SGCZ: variants seen among roughly 807,000 people sequenced by gnomAD.
SGCZ encodes the protein sarcoglycan zeta, also known as zeta-sarcoglycan.
A neutral mutation model predicts 41.3 loss-of-function variants in SGCZ; 40 were observed. The observed-to-expected ratio is 0.97, with a 90% confidence interval of 0.75 to 1.26. SGCZ has a LOEUF of 1.26. SGCZ is among the 50% of genes most tolerant of loss of function. SGCZ has a pLI of 0.00. For synonymous variants in SGCZ, 206 were observed against 137.5 expected (o/e 1.50, Z -3.49); for missense variants, 552 against 369.8 (o/e 1.49, Z -4.04).
At chr8:14,243,963 T>C (rs571675297) in intron 3 of SGCZ, among the ~76,000 whole-genome samples, 2 of 152,200 alleles carry the variant, frequency 1.3e-5, no homozygotes, top group Admixed American at 6.5e-5. Flanking sequence ...GTTTTTCTCA[T>C]ACAGACTTTT....
intron 1 of SGCZ, among the ~76,000 whole-genome samples, chr8:14,644,961 A>AAC (rs1330512344): frequency 6.6e-6 from 1 of 150,612 alleles, no homozygotes; most frequent in Non-Finnish European, 1.5e-5. Context: ...TAAAAAAAAA[A>AAC]AGTCTCCAAC....
chr8:14,319,946 G>A (rs559030830), intron 3 of SGCZ, among the ~76,000 whole-genome samples: 9 of 152,032 alleles, frequency 5.9e-5, no homozygotes, highest in Non-Finnish European at 1.2e-4. Context: ...AAAAGTTCTT[G>A]TGGTGAAGAA....
At chr8:15,165,946 T>C (rs1371914499) in intron 1 of SGCZ, among the ~76,000 whole-genome samples, 1 of 152,214 alleles carries the variant, frequency 6.6e-6, no homozygotes, top group Non-Finnish European at 1.5e-5. Context: ...TTTGGCAAAA[T>C]TTTTAAAGGG....
intron 3 of SGCZ, among the ~76,000 whole-genome samples, chr8:14,302,122 T>C (rs1313483924): frequency 6.6e-6 from 1 of 152,048 alleles, no homozygotes; most frequent in East Asian, 1.9e-4. Flanking sequence ...TGAATCAAAA[T>C]GTGGGAGAGG....
At chr8:15,087,621 T>G (rs954328807) in intron 1 of SGCZ, among the ~76,000 whole-genome samples, 2 of 152,106 alleles carry the variant, frequency 1.3e-5, no homozygotes, top group Non-Finnish European at 2.9e-5. Flanking sequence ...CTAAAGAGCT[T>G]GTCGAAAAAA....
At chr8:14,700,541 T>C (rs1240404372) in intron 1 of SGCZ, among the ~76,000 whole-genome samples, 1 of 151,770 alleles carries the variant, frequency 6.6e-6, no homozygotes, top group Non-Finnish European at 1.5e-5. Context: ...GAATCATTCA[T>C]ACACCAGACC....
Position 15,035,504 on chromosome 8 carries a change from T to C in SGCZ, c.39+202081A>G, listed in dbSNP as rs1803842793. Reference sequence around the variant, plus strand: ...TCAGTTGTAAATCGTTACCTATAAATATTTGCCTTAAATGTAACTGGATTG... The same window carrying C: ...TCAGTTGTAAATCGTTACCTATAAACATTTGCCTTAAATGTAACTGGATTG... On this transcript the variant is annotated intron_variant, in intron 1 of 7. Transcript: ENST00000382080. 2.0e-5 allele frequency among the ~76,000 whole-genome samples: 3 copies of C among 152,138 alleles called. 1 individual carries two copies. The highest frequency in any genetic ancestry group is 2.0e-4 in the Admixed American group (3 of 15,274).
chr8:14,638,512 C>A (rs977137564), intron 1 of SGCZ, among the ~76,000 whole-genome samples: 1 of 151,806 alleles, frequency 6.6e-6, no homozygotes, highest in African/African-American at 2.4e-5. Flanking sequence ...TCAATATCTC[C>A]TTACCTCCTG....
intron 1 of SGCZ, among the ~76,000 whole-genome samples, chr8:14,723,585 C>T (rs1334028179): frequency 2.6e-5 from 4 of 152,010 alleles, no homozygotes; most frequent in African/African-American, 9.7e-5. Context: ...AGGCTCTGAC[C>T]CCAGCTGACA....
chr8:14,493,694 C>T (rs1801910940), intron 2 of SGCZ, among the ~76,000 whole-genome samples: 1 of 151,840 alleles, frequency 6.6e-6, no homozygotes, highest in African/African-American at 2.4e-5. Flanking sequence ...ATAATCAGCT[C>T]TTAATCTTGT....
intron 3 of SGCZ, among the ~76,000 whole-genome samples, chr8:14,264,241 G>C (rs1047110200): frequency 5.3e-5 from 8 of 152,196 alleles, no homozygotes; most frequent in African/African-American, 1.9e-4. Flanking sequence ...CTCAATTTTA[G>C]GCAGCACAGC....
At chr8:14,937,546 G>A (rs1800124633) in intron 1 of SGCZ, among the ~76,000 whole-genome samples, 1 of 151,818 alleles carries the variant, frequency 6.6e-6, no homozygotes, top group Admixed American at 6.6e-5. Flanking sequence ...TATCAGCCAA[G>A]GAAGAAAAAT....
chr8:14,680,981 A>AC (rs1554479472), intron 1 of SGCZ, among the ~76,000 whole-genome samples: 3 of 150,340 alleles, frequency 2.0e-5, no homozygotes, highest in South Asian at 2.1e-4. Context: ...AAAAAAAAAA[A>AC]CAGAAAATCG....
intron 1 of SGCZ, among the ~76,000 whole-genome samples, chr8:15,066,249 C>T (rs369672860): frequency 4.7e-5 from 7 of 149,514 alleles, no homozygotes; most frequent in African/African-American, 7.4e-5. Flanking sequence ...CGGAGCTTGC[C>T]GTGAGCCGAG....
At chr8:14,804,640 G>C (rs1801460154) in intron 1 of SGCZ, among the ~76,000 whole-genome samples, 2 of 145,754 alleles carry the variant, frequency 1.4e-5, no homozygotes, top group South Asian at 2.3e-4. Context: ...ATGGAACCAA[G>C]TTGGAAAACA....
intron 3 of SGCZ, among the ~76,000 whole-genome samples, chr8:14,245,158 A>C (rs1024064124): frequency 6.6e-5 from 10 of 152,122 alleles, no homozygotes; most frequent in African/African-American, 2.4e-4. Context: ...GAAAGGGCAT[A>C]CCTGTCTTGT....
chr8:14,155,940 C>T (rs991916819), intron 5 of SGCZ, among the ~76,000 whole-genome samples: 4 of 151,940 alleles, frequency 2.6e-5, no homozygotes, highest in African/African-American at 9.7e-5. Flanking sequence ...AGCTGTAACA[C>T]AATGTTAAGT....
intron 1 of SGCZ, among the ~76,000 whole-genome samples, chr8:14,816,615 G>C (rs1049962952): frequency 3.3e-5 from 5 of 152,136 alleles, no homozygotes; most frequent in African/African-American, 1.2e-4. Context: ...GTTATACTAA[G>C]TTACTCTAGT....
intron 1 of SGCZ, among the ~76,000 whole-genome samples, chr8:15,178,998 G>C (rs917711082): frequency 1.1e-4 from 17 of 152,090 alleles, no homozygotes; most frequent in African/African-American, 3.9e-4. Context: ...CACATTATGA[G>C]ACTTTCCTCA....
Sources: gnomAD v4.1 joint callset for allele counts (sites outside exome capture counted in the v4.1 genomes callset) on GRCh38, gnomAD v4.1.1 for gene constraint, MANE v1.5 for transcripts, NCBI Gene and HGNC (gene_info 2026-07-23, HGNC 2026-07-21) for gene names.